MAST2: variants seen among roughly 807,000 people sequenced by gnomAD.
The protein encoded by MAST2 is microtubule associated serine/threonine kinase 2, also known as microtubule-associated serine/threonine-protein kinase 2.
Under a neutral mutation model 147.4 loss-of-function variants are expected in MAST2, and 70 were observed. The observed-to-expected ratio is 0.47, with a 90% CI of 0.39 to 0.58. The LOEUF is 0.58. MAST2 is among the 20% of genes least tolerant of loss of function. The pLI, the probability that MAST2 is intolerant of heterozygous loss-of-function variation, is 0.00. For synonymous variants in MAST2, 869 were observed against 896.8 expected (o/e 0.97, Z 0.55); for missense variants, 2,080 against 2,302.3 (o/e 0.90, Z 1.98).
chr1:45,878,440 CAT>C (rs1646701362), intron 3 of MAST2, among the ~76,000 whole-genome samples: 1 of 152,028 alleles, frequency 6.6e-6, no homozygotes. Flanking sequence ...CTATAACTAA[CAT>C]AATATTAAAT....
chr1:45,924,855 G>A (rs915224901), intron 4 of MAST2, among the ~76,000 whole-genome samples: 5 of 152,166 alleles, frequency 3.3e-5, no homozygotes, highest in Non-Finnish European at 7.4e-5. Context: ...ACAGAGGGAA[G>A]GCCATGCAAA....
chr1:45,903,614 TC>T (rs1650176438), intron 4 of MAST2, among the ~76,000 whole-genome samples: 1 of 152,212 alleles, frequency 6.6e-6, no homozygotes. Flanking sequence ...TGAGAGTTCC[TC>T]TTGATGTTGA....
At chr1:45,907,482 G>A (rs954570222) in intron 4 of MAST2, among the ~76,000 whole-genome samples, 24 of 127,358 alleles carry the variant, frequency 1.9e-4, no homozygotes, top group African/African-American at 7.0e-4. Flanking sequence ...TTTTTTTTGA[G>A]AGAGTCTCGC....
At position 45,950,214 on chromosome 1, in the gene MAST2, AAATAAT is replaced by A. The variant is rs572171897; in HGVS notation, c.501-9163_501-9158del. On this transcript the variant is annotated intron_variant, in intron 4 of 28. Transcript: ENST00000361297. ...CTGAATATGTACCCCTGAACCTAAA[AAATAAT>A]AATAATAACAGTGGGAGCCAGCTTT... is the stretch of plus-strand genomic sequence containing the variant. Among the ~76,000 whole-genome samples the A allele has an allele frequency of 3.0e-3, 455 of 152,256 alleles. 1 individual carries two copies. The highest frequency in any genetic ancestry group is 4.6e-3 in the Admixed American group (70 of 15,294).
At chr1:45,837,886 C>T (rs1416320327) in intron 3 of MAST2, among the ~76,000 whole-genome samples, 1 of 152,178 alleles carries the variant, frequency 6.6e-6, no homozygotes, top group Admixed American at 6.5e-5. Flanking sequence ...TCAAGCCATT[C>T]TCCTCCCTCA....
intron 4 of MAST2, among the ~76,000 whole-genome samples, chr1:45,948,462 C>G (rs1242826651): frequency 6.6e-6 from 1 of 152,014 alleles, no homozygotes; most frequent in Non-Finnish European, 1.5e-5. Flanking sequence ...AATCCCAGCA[C>G]TTTGGGAGGC....
intron 5 of MAST2, among the ~76,000 whole-genome samples, chr1:45,978,966 T>TGC (rs1359244375): frequency 2.4e-4 from 36 of 152,366 alleles, no homozygotes; most frequent in African/African-American, 8.4e-4. Flanking sequence ...TTTGTGAATA[T>TGC]ACTAAAAACC....
intron 10 of MAST2, 111 bp downstream of exon 10, chr1:46,011,050 G>T: frequency 2.3e-6 from 2 of 881,246 alleles, no homozygotes; most frequent in Non-Finnish European, 3.5e-6. Context: ...CAGACTGCTT[G>T]TTACCCACCC....
intron 1 of MAST2, among the ~76,000 whole-genome samples, chr1:45,814,027 C>G (rs1483191485): frequency 6.6e-6 from 1 of 152,124 alleles, no homozygotes; most frequent in Non-Finnish European, 1.5e-5. Context: ...TGTAGTGCAA[C>G]ACATTACATG....
At position 46,034,422 on chromosome 1, in the gene MAST2, G is replaced by T. The variant is rs892978661; in HGVS notation, c.3869-116G>T. The T allele has an allele frequency of 5.3e-6, 7 of 1,331,748 alleles. No individual in the cohort carries two copies. In the African/African-American group the frequency reaches 8.9e-5, roughly 17 times the overall value. The allele number at this position is 1,331,748 out of a possible 1,614,324, so 82.5% of individuals were successfully genotyped here. A position where few individuals can be genotyped will look rare whatever the true frequency, so the allele number is the denominator to read the frequency against. On this transcript the variant is annotated intron_variant, in intron 28 of 28. Transcript: ENST00000361297. ...GGGGAGGAATTAATTGATGGGGAAGGGGGTAGCTTGGTTTCTGGGACATAA... is the reference window on the plus strand; with the variant it reads ...GGGGAGGAATTAATTGATGGGGAAGTGGGTAGCTTGGTTTCTGGGACATAA...
In MAST2 at chr1:45,925,260, C is replaced by G. The variant is rs1023849655; in HGVS notation, c.501-34126C>G. Among the ~76,000 whole-genome samples the G allele has an allele frequency of 2.6e-5, 4 of 152,140 alleles. No individual in the cohort carries two copies. In the South Asian group the frequency reaches 8.3e-4, roughly 32 times the overall value. ...CCCACTCTAGCTCTGTAATACATTGCGTTTTATGCCTTGATTGGAAGGAAT... is the reference window on the plus strand; with the variant it reads ...CCCACTCTAGCTCTGTAATACATTGGGTTTTATGCCTTGATTGGAAGGAAT... On this transcript the variant is annotated intron_variant, in intron 4 of 28. Coordinates refer to ENST00000361297, the MANE Select transcript of MAST2 (RefSeq NM_015112.3).
chr1:45,903,766 A>T (rs754929488), intron 4 of MAST2, among the ~76,000 whole-genome samples: 10 of 152,232 alleles, frequency 6.6e-5, no homozygotes, highest in Non-Finnish European at 8.8e-5. Context: ...TGAGTTTAGA[A>T]GTGGATTCTT....
At chr1:45,810,937 C>T (rs1333683527) in intron 1 of MAST2, among the ~76,000 whole-genome samples, 1 of 148,604 alleles carries the variant, frequency 6.7e-6, no homozygotes, top group Non-Finnish European at 1.5e-5. Context: ...ACCGCAACTT[C>T]CACCTCCCAG....
chr1:45,877,644 A>G (rs1022519940), intron 3 of MAST2, among the ~76,000 whole-genome samples: 36 of 152,190 alleles, frequency 2.4e-4, no homozygotes, highest in Admixed American at 1.4e-3. Context: ...CAAATATCCT[A>G]AATAAAAGTT....
intron 4 of MAST2, among the ~76,000 whole-genome samples, chr1:45,898,494 A>G (rs914154608): frequency 3.9e-5 from 6 of 152,034 alleles, no homozygotes; most frequent in Non-Finnish European, 2.9e-5. Context: ...AATCCATGCA[A>G]TATCTTCCGT....
intron 3 of MAST2, among the ~76,000 whole-genome samples, chr1:45,833,235 G>T (rs1033919475): frequency 9.2e-5 from 14 of 151,974 alleles, no homozygotes; most frequent in Admixed American, 6.6e-5. Flanking sequence ...TTATTGAGAG[G>T]ATTTATCTGA....
In MAST2 at chr1:45,829,421, C is replaced by G. The variant is rs771224831; in HGVS notation, c.326-18C>G. On this transcript the variant is annotated intron_variant, in intron 2 of 28. Coordinates refer to ENST00000361297, the MANE Select transcript of MAST2 (RefSeq NM_015112.3). ...AATAAATAATTACATGTATATTTTC[C>G]AAACCTTGTATTTGAAGGTAAGCAG... The G allele has an allele frequency of 1.5e-5, 24 of 1,597,826 alleles. No individual in the cohort carries two copies. The highest frequency in any genetic ancestry group is 1.7e-4 in the Middle Eastern group (1 of 6,032).
In MAST2 at chr1:46,023,081, C is replaced by T. The variant is rs1288324439; in HGVS notation, c.1485+110C>T. ...GAGGAAGGGATGGGGGAGTTGGTGACAGCAAACACTGAGAAGTCATTCTAC... is the reference window on the plus strand; with the variant it reads ...GAGGAAGGGATGGGGGAGTTGGTGATAGCAAACACTGAGAAGTCATTCTAC... On this transcript the variant is annotated intron_variant, in intron 13 of 28. Transcript: ENST00000361297. This position sits in a 1 kb window ranked among gnomAD's most constrained non-coding sequence, Gnocchi z 4.9. 1.6e-6 allele frequency: 2 copies of T among 1,232,480 alleles called. No individual in the cohort carries two copies. The highest frequency in any genetic ancestry group is 1.2e-6 in the Non-Finnish European group (1 of 840,040). 76.3% of individuals were successfully genotyped at this position (1,232,480 alleles called of 1,614,324 possible).
chr1:46,028,011 C>G (rs1299511957), intron 17 of MAST2, 148 bp downstream of exon 17: 1 of 902,214 alleles, frequency 1.1e-6, no homozygotes, highest in Non-Finnish European at 1.7e-6. Flanking sequence ...GACCCCATCT[C>G]TACATTTGTG....
Sources: gnomAD v4.1 joint callset for allele counts (sites outside exome capture counted in the v4.1 genomes callset) on GRCh38, gnomAD v4.1.1 for gene constraint, Gnocchi (gnomAD v3.1) non-coding constraint, MANE v1.5 for transcripts, NCBI Gene and HGNC (gene_info 2026-07-23, HGNC 2026-07-21) for gene names.